DNMT3A: variants seen among roughly 807,000 people sequenced by gnomAD.
The protein encoded by DNMT3A is DNA methyltransferase 3 alpha.
A neutral mutation model predicts 117.6 loss-of-function variants in DNMT3A; 267 were observed. The observed-to-expected ratio is 2.27, with a 90% CI of 2.05 to 2.51. The LOEUF (loss-of-function observed/expected upper bound fraction) is 2.51. Ranked by LOEUF, DNMT3A falls within the 30% of genes most tolerant of loss-of-function variation. The pLI is 0.00. For missense variants in DNMT3A, 1,029 were observed against 1,260.2 expected, an observed-to-expected ratio of 0.82 and a Z score of 2.78; for synonymous variants, 432 against 474.8, an observed-to-expected ratio of 0.91 and a Z score of 1.17.
rs1240303549 is a variant in DNMT3A at position 25,337,067 on chromosome 2, GA to G, written c.-178+4758del. Among the ~76,000 whole-genome samples the G allele has an allele frequency of 6.6e-6, 1 of 152,208 alleles. No individual in the cohort carries two copies. The highest frequency in any genetic ancestry group is 1.5e-5 in the Non-Finnish European group (1 of 68,048). On this transcript the variant is annotated intron_variant, in intron 1 of 22. Coordinates refer to ENST00000321117, the MANE Select transcript of DNMT3A (RefSeq NM_022552.5). The surrounding 1 kb of genome is among the most constrained non-coding windows in gnomAD (Gnocchi z 5.0). ...ACAGGAAATGCTCAGCACATCTCTG[GA>G]AAATGGAAGCGAATACGGTGGGAAA...
intron 1 of DNMT3A, among the ~76,000 whole-genome samples, chr2:25,336,357 G>A (rs1372208536): frequency 6.6e-6 from 1 of 152,066 alleles, no homozygotes; most frequent in Non-Finnish European, 1.5e-5. Flanking sequence ...CAGCCTGATG[G>A]AGTGGGCAAG....
intron 22 of DNMT3A, among the ~76,000 whole-genome samples, chr2:25,235,227 C>A (rs1360749678): frequency 6.6e-6 from 1 of 151,378 alleles, no homozygotes; most frequent in Non-Finnish European, 1.5e-5. Flanking sequence ...CTCTGTTGCA[C>A]AGGCTGGAGC....
At position 25,279,682 on chromosome 2, in the gene DNMT3A, G is replaced by T. The variant is rs191983156; in HGVS notation, c.448+2759C>A. 6.2e-3 allele frequency among the ~76,000 whole-genome samples: 889 copies of T among 143,406 alleles called. 11 individuals carry two copies. The highest frequency in any genetic ancestry group is 0.022 in the African/African-American group (856 of 39,048). The allele number at this position is 143,406 out of a possible 152,430, so 94.1% of individuals were successfully genotyped here. On this transcript the variant is annotated intron_variant, in intron 4 of 22. Transcript: ENST00000321117. ...CAGGAGTGTACCAAGGCCAAAGTTT[G>T]TTTTTTTTTTTTGTATTTTTTTGAG...
At chr2:25,284,794 G>GAT (rs2032176871) in intron 3 of DNMT3A, among the ~76,000 whole-genome samples, 1 of 150,572 alleles carries the variant, frequency 6.6e-6, no homozygotes, top group Admixed American at 6.6e-5. Context: ...ATCCTTTCCA[G>GAT]ATTTTTTCCT....
At chr2:25,243,828 G>A (rs1241475811) in intron 16 of DNMT3A, 70 bp downstream of exon 16, 2 of 1,495,996 alleles carry the variant, frequency 1.3e-6, no homozygotes, top group Non-Finnish European at 1.8e-6. Context: ...TTTTGCCAGA[G>A]TTGCCCACAC....
At chr2:25,261,094 G>C (rs961910169) in intron 6 of DNMT3A, among the ~76,000 whole-genome samples, 2 of 152,076 alleles carry the variant, frequency 1.3e-5, no homozygotes, top group Non-Finnish European at 2.9e-5. Context: ...AGGAGTTCGA[G>C]ACCAGCCTGG....
chr2:25,314,624 A>G, intron 1 of DNMT3A: 1 of 985,126 alleles, frequency 1.0e-6, no homozygotes, highest in South Asian at 4.7e-5. Flanking sequence ...GAGTGCAGTC[A>G]CAGGATGTAG....
In DNMT3A at chr2:25,247,372, G is replaced by C. The variant is rs1674940292; in HGVS notation, c.1015-214C>G. 1 of 821,626 alleles carries C rather than the reference G, an allele frequency of 1.2e-6. No individual in the cohort carries two copies. Among genetic ancestry groups the C allele is most frequent in the Non-Finnish European group, 1.9e-6 (1 of 533,950 alleles). 50.9% of individuals were successfully genotyped at this position (821,626 alleles called of 1,614,324 possible). On this transcript the variant is annotated intron_variant, in intron 8 of 22. Coordinates refer to ENST00000321117, the MANE Select transcript of DNMT3A (RefSeq NM_022552.5). This position sits in a 1 kb window ranked among gnomAD's most constrained non-coding sequence, Gnocchi z 5.6. ...AGGTGGAAAGGAATTCTAGTGAATA[G>C]GTTCCTGGAAGGCTAAAACTGGGCC...
rs1388697059 is a variant in DNMT3A, at chr2:25,252,327, G to A, written c.640-4075C>T. Reference sequence around the variant, plus strand: ...CTGGGGGCGGAGGGGGCCACTGGGAGGGGAGGGGGGCGGCGGGGGGGAGGG... The same window carrying A: ...CTGGGGGCGGAGGGGGCCACTGGGAAGGGAGGGGGGCGGCGGGGGGGAGGG... On this transcript the variant is annotated intron_variant, in intron 6 of 22. Transcript: ENST00000321117. This position sits in a 1 kb window ranked among gnomAD's most constrained non-coding sequence, Gnocchi z 5.5. The A allele has an allele frequency of 1.7e-6, 1 of 596,444 alleles. No individual in the cohort carries two copies. The highest frequency in any genetic ancestry group is 3.9e-5 in the Admixed American group (1 of 25,528). The allele number at this position is 596,444 out of a possible 1,614,324, so 36.9% of individuals were successfully genotyped here.
rs1166886990 is a variant in DNMT3A at position 25,281,794 on chromosome 2, G to C, written c.448+647C>G. On this transcript the variant is annotated intron_variant, in intron 4 of 22. Coordinates refer to ENST00000321117, the MANE Select transcript of DNMT3A (RefSeq NM_022552.5). The surrounding 1 kb of genome is among the most constrained non-coding windows in gnomAD (Gnocchi z 4.8). ...CAACTTTCCAGGCTTCCAGGGTTAG[G>C]CCAAAAAGTCCCCAGATGAAGAGGC... The C allele has an allele frequency of 9.4e-7, 1 of 1,065,782 alleles. No homozygotes were observed. The highest frequency in any genetic ancestry group is 4.9e-5 in the East Asian group (1 of 20,252). 66.0% of individuals were successfully genotyped at this position (1,065,782 alleles called of 1,614,324 possible).
chr2:25,271,086 TGTAATCCCAGC>T (rs2030855233), intron 6 of DNMT3A, among the ~76,000 whole-genome samples: 1 of 152,140 alleles, frequency 6.6e-6, no homozygotes, highest in Admixed American at 6.5e-5. Context: ...GATTCATGCC[TGTAATCCCAGC>T]ACTTCGGGAG....
intron 6 of DNMT3A, among the ~76,000 whole-genome samples, chr2:25,262,743 G>A (rs909119571): frequency 2.0e-5 from 3 of 152,122 alleles, no homozygotes; most frequent in African/African-American, 4.8e-5. Flanking sequence ...ACTGGACAAC[G>A]AAGCCTAAAT....
intron 1 of DNMT3A, among the ~76,000 whole-genome samples, chr2:25,329,192 C>T (rs1247559423): frequency 1.3e-5 from 2 of 152,112 alleles, no homozygotes; most frequent in Non-Finnish European, 2.9e-5. Context: ...GGAGAAGAGC[C>T]CAGGGTTCTG....
At chr2:25,317,853 A>G (rs2034443532) in intron 1 of DNMT3A, among the ~76,000 whole-genome samples, 1 of 152,168 alleles carries the variant, frequency 6.6e-6, no homozygotes, top group South Asian at 2.1e-4. Context: ...CTCCTGCCTC[A>G]GCCTCCCGAG....
At chr2:25,242,285 C>T (rs1361736172) in intron 16 of DNMT3A, among the ~76,000 whole-genome samples, 1 of 152,086 alleles carries the variant, frequency 6.6e-6, no homozygotes, top group African/African-American at 2.4e-5. Context: ...AGGAGGCCTC[C>T]TTCATTGTGC....
intron 2 of DNMT3A, among the ~76,000 whole-genome samples, chr2:25,313,137 G>T (rs62131063): frequency 1.2e-4 from 19 of 152,162 alleles, no homozygotes; most frequent in Non-Finnish European, 2.4e-4. Context: ...TTCCTATCAT[G>T]GGGACACAGC....
In DNMT3A at chr2:25,244,197, G is replaced by T; in HGVS notation, c.1809C>A (p.Ser603=). The part of the protein sequence containing the change: ...GLLRRREDWP[S]RLQMFFANNH... ...TATTAGCGAAGAACATCTGGAGCCG[G>T]GAGGGCCAGTCCTCTCGCCGCCGCA... is the stretch of plus-strand genomic sequence containing the variant. The change falls in exon 15 of 23, where the codon TCC becomes TCA. Residue 603 remains serine, a synonymous_variant. Transcript: ENST00000321117. 1 of 1,613,950 alleles carries T rather than the reference G, an allele frequency of 6.2e-7. No homozygotes were observed. The highest frequency in any genetic ancestry group is 8.5e-7 in the Non-Finnish European group (1 of 1,180,034).
chr2:25,325,547 A>T (rs1487518625), intron 1 of DNMT3A, among the ~76,000 whole-genome samples: 1 of 151,772 alleles, frequency 6.6e-6, no homozygotes, highest in African/African-American at 2.4e-5. Context: ...CTGTTTCCCC[A>T]CCCCACAACT....
In DNMT3A at chr2:25,244,616, C is replaced by A. The variant is rs745721709; in HGVS notation, c.1591G>T (p.Asp531Tyr). The change falls in exon 14 of 23, where the codon GAC becomes TAC. Residue 531 changes from aspartate (D) to tyrosine (Y), a missense_variant. Asp to Tyr is a radical substitution (Grantham distance 160). Transcript: ENST00000321117. Reference protein sequence around the residue: ...FLECAYQYDDDGYQSYCTICC... With the variant: ...FLECAYQYDDYGYQSYCTICC... ...ATGGTGCAGTAGGACTGGTAGCCGT[C>A]GTCGTCGTACTGGTACGCACACTCC... 1 of 1,614,142 alleles carries A rather than the reference C, an allele frequency of 6.2e-7. No homozygotes were observed.
Sources: gnomAD v4.1 joint callset for allele counts (sites outside exome capture counted in the v4.1 genomes callset) on GRCh38, gnomAD v4.1.1 for gene constraint, Gnocchi (gnomAD v3.1) non-coding constraint, MANE v1.5 for transcripts, NCBI Gene and HGNC (gene_info 2026-07-23, HGNC 2026-07-21) for gene names.